Variants in LRRC4C observed in about 807,000 individuals in gnomAD.
The protein encoded by LRRC4C is leucine-rich repeat-containing protein 4C.
LRRC4C carries 5 observed loss-of-function variants against 33.6 expected under a neutral mutation model. The ratio of observed to expected loss-of-function variants is 0.15; its 90% CI spans 0.08 to 0.31. The LOEUF (loss-of-function observed/expected upper bound fraction) is 0.31. Ranked by LOEUF, LRRC4C falls within the 10% of genes least tolerant of loss-of-function variation. The pLI is 1.00. For synonymous variants in LRRC4C, 329 were observed against 302.0 expected, an observed-to-expected ratio of 1.09 and a Z score of -0.93; for missense variants, 560 against 796.7, an observed-to-expected ratio of 0.70 and a Z score of 3.58.
At chr11:40,385,737 T>C (rs574021732) in intron 3 of LRRC4C, among the ~76,000 whole-genome samples, 271 of 151,780 alleles carry the variant, frequency 1.8e-3, no homozygotes, top group African/African-American at 6.1e-3. Flanking sequence ...CATGGTGGCA[T>C]GTGCTTGTAG....
chr11:41,279,381 A>ACACACAC (rs1949585573), intron 1 of LRRC4C, among the ~76,000 whole-genome samples: 1 of 126,384 alleles, frequency 7.9e-6, no homozygotes, highest in Non-Finnish European at 1.6e-5. Context: ...CACACACACA[A>ACACACAC]ACACACACAC....
intron 2 of LRRC4C, among the ~76,000 whole-genome samples, chr11:40,782,066 C>T (rs1454884659): frequency 6.6e-6 from 1 of 152,174 alleles, no homozygotes; most frequent in Admixed American, 6.5e-5. Flanking sequence ...GCCTGCATGC[C>T]TATTTTTTCT....
chr11:40,803,580 A>T (rs1435880517), intron 2 of LRRC4C, among the ~76,000 whole-genome samples: 1 of 151,758 alleles, frequency 6.6e-6, no homozygotes. Context: ...CTATATGGTC[A>T]TTTTTTTTAA....
At chr11:41,424,390 A>C (rs1458201567) in intron 1 of LRRC4C, among the ~76,000 whole-genome samples, 1 of 152,112 alleles carries the variant, frequency 6.6e-6, no homozygotes, top group African/African-American at 2.4e-5. Context: ...ATTACCATTT[A>C]AAGCACTTTG....
intron 3 of LRRC4C, among the ~76,000 whole-genome samples, chr11:40,353,660 C>T (rs1366776037): frequency 1.1e-4 from 16 of 152,090 alleles, no homozygotes; most frequent in Non-Finnish European, 1.5e-5. Flanking sequence ...GTTGCAGTGA[C>T]CTGAGATCAT....
intron 1 of LRRC4C, among the ~76,000 whole-genome samples, chr11:41,027,795 G>A (rs550040518): frequency 1.9e-4 from 29 of 151,590 alleles, no homozygotes; most frequent in Non-Finnish European, 4.0e-4. Flanking sequence ...CCCAGGCATT[G>A]GGCATTGTAT....
intron 3 of LRRC4C, among the ~76,000 whole-genome samples, chr11:40,587,838 G>C (rs1958832690): frequency 6.6e-6 from 1 of 152,136 alleles, no homozygotes; most frequent in African/African-American, 2.4e-5. Context: ...ACTTGATCAT[G>C]GTGGATAAGC....
chr11:41,452,371 C>T (rs190103308), intron 1 of LRRC4C, among the ~76,000 whole-genome samples: 1 of 152,040 alleles, frequency 6.6e-6, no homozygotes, highest in South Asian at 2.1e-4. Context: ...TGTAAAGGAA[C>T]AGCTAGAACA....
intron 1 of LRRC4C, among the ~76,000 whole-genome samples, chr11:41,150,322 C>A (rs1299367149): frequency 6.6e-6 from 1 of 152,178 alleles, no homozygotes; most frequent in Non-Finnish European, 1.5e-5. Flanking sequence ...TTCTTAGAAA[C>A]AAGAAAGTGA....
At chr11:41,105,990 T>C (rs1333274219) in intron 1 of LRRC4C, among the ~76,000 whole-genome samples, 1 of 152,092 alleles carries the variant, frequency 6.6e-6, no homozygotes, top group Non-Finnish European at 1.5e-5. Flanking sequence ...CCTACTCAGG[T>C]GTAATGTGTC....
At chr11:40,950,050 G>A (rs977234807) in intron 1 of LRRC4C, among the ~76,000 whole-genome samples, 5 of 151,998 alleles carry the variant, frequency 3.3e-5, no homozygotes, top group African/African-American at 9.6e-5. Context: ...AATGATAAAG[G>A]TTGTATCAGA....
intron 4 of LRRC4C, among the ~76,000 whole-genome samples, chr11:40,243,687 C>CTTTTTT (rs1274780074): frequency 2.6e-5 from 3 of 117,176 alleles, no homozygotes; most frequent in African/African-American, 6.5e-5. Flanking sequence ...AAACTTATAT[C>CTTTTTT]TTTTTTTTTT....
intron 1 of LRRC4C, among the ~76,000 whole-genome samples, chr11:41,296,890 T>A (rs141611143): frequency 6.3e-4 from 96 of 152,292 alleles, no homozygotes; most frequent in African/African-American, 2.2e-3. Flanking sequence ...CTTCTTGAAT[T>A]TGTCAATATT....
chr11:40,122,411 C>G (rs577553041), intron 6 of LRRC4C, among the ~76,000 whole-genome samples: 3 of 152,190 alleles, frequency 2.0e-5, no homozygotes, highest in African/African-American at 7.2e-5. Context: ...TCTCCCTTCC[C>G]CCACATCCCA....
intron 3 of LRRC4C, among the ~76,000 whole-genome samples, chr11:40,365,565 G>A (rs1374127578): frequency 1.3e-5 from 2 of 151,974 alleles, no homozygotes; most frequent in Non-Finnish European, 2.9e-5. Flanking sequence ...ACTTTGGGGG[G>A]GCCCGAGAGG....
intron 1 of LRRC4C, among the ~76,000 whole-genome samples, chr11:41,082,565 T>C (rs1939660282): frequency 6.6e-6 from 1 of 151,520 alleles, no homozygotes; most frequent in Admixed American, 6.6e-5. Flanking sequence ...ACTTGAATAA[T>C]AAAAAAGAGG....
chr11:40,249,834 T>C (rs187055635), intron 4 of LRRC4C, among the ~76,000 whole-genome samples: 2 of 152,242 alleles, frequency 1.3e-5, no homozygotes, highest in African/African-American at 4.8e-5. Flanking sequence ...AGGGAGTTGA[T>C]AAAATAAAGA....
Position 40,852,088 on chromosome 11 carries a change from A to T in LRRC4C, c.-407+81547T>A, listed in dbSNP as rs1182249309. ...ATGATCCACCTGCCTCAGCCTCCCA[A>T]AGTGCTGGGATTACCGGCGTGAGCC... On this transcript the variant is annotated intron_variant, in intron 2 of 6. Transcript: ENST00000528697. Among the ~76,000 whole-genome samples the T allele has an allele frequency of 2.0e-5, 3 of 151,682 alleles. No individual in the cohort carries two copies. In the South Asian group the frequency reaches 6.2e-4, roughly 31 times the overall value.
chr11:41,059,573 A>C (rs1482455601), intron 1 of LRRC4C, among the ~76,000 whole-genome samples: 2 of 152,044 alleles, frequency 1.3e-5, no homozygotes, highest in Non-Finnish European at 2.9e-5. Context: ...TGTTATTATA[A>C]ACTGTTTTAA....
Sources: gnomAD v4.1 joint callset for allele counts (sites outside exome capture counted in the v4.1 genomes callset) on GRCh38, gnomAD v4.1.1 for gene constraint, MANE v1.5 for transcripts, NCBI Gene and HGNC (gene_info 2026-07-23, HGNC 2026-07-21) for gene names.